Variants in ANKFN1 observed in about 807,000 individuals in gnomAD.
ANKFN1 encodes the protein ankyrin repeat and fibronectin type III domain containing 1.
Under a neutral mutation model 108.7 loss-of-function variants are expected in ANKFN1, and 74 were observed. That is an observed-to-expected ratio of 0.68 (90% confidence interval 0.56 to 0.83). The LOEUF (loss-of-function observed/expected upper bound fraction) is 0.83, where lower values mean the gene tolerates loss of function less well. Ranked by LOEUF, ANKFN1 falls within the 40% of genes least tolerant of loss-of-function variation. ANKFN1 has a pLI of 0.00. For missense variants in ANKFN1, 1,505 were observed against 1,382.3 expected, an observed-to-expected ratio of 1.09 and a Z score of -1.41; for synonymous variants, 547 against 516.2, an observed-to-expected ratio of 1.06 and a Z score of -0.81.
Position 56,406,088 on chromosome 17 carries a change from A to G in ANKFN1, c.910+31374A>G, listed in dbSNP as rs539799882. Among the ~76,000 whole-genome samples, 12 of 152,304 alleles carry G rather than the reference A, an allele frequency of 7.9e-5. No homozygotes were observed. In the South Asian group the frequency reaches 2.3e-3, roughly 29 times the overall value. ...TACAGAGGAAACAGACTGAGGCAAG[A>G]GAGGAAAAGGCAATGGGAAAAAATA... On this transcript the variant is annotated intron_variant, in intron 8 of 20. Transcript: ENST00000682825.
chr17:56,049,596 G>A (rs1029310904), intron 4 of ANKFN1, among the ~76,000 whole-genome samples: 9 of 151,042 alleles, frequency 6.0e-5, no homozygotes, highest in South Asian at 2.1e-4. Context: ...CTGTGTCCAT[G>A]TGTTCTCATA....
intron 4 of ANKFN1, among the ~76,000 whole-genome samples, chr17:56,065,766 A>T (rs746040241): frequency 3.9e-5 from 6 of 152,194 alleles, no homozygotes; most frequent in Admixed American, 6.5e-5. Flanking sequence ...ATAAGAATAG[A>T]AACATCACAG....
intron 20 of ANKFN1, among the ~76,000 whole-genome samples, chr17:56,504,403 G>A (rs540196001): frequency 4.3e-4 from 65 of 152,118 alleles, no homozygotes; most frequent in African/African-American, 1.5e-3. Flanking sequence ...TGTTCTGGGA[G>A]CTACAGGAAA....
At chr17:56,414,949 G>A (rs1427820254) in intron 8 of ANKFN1, among the ~76,000 whole-genome samples, 2 of 152,090 alleles carry the variant, frequency 1.3e-5, no homozygotes, top group Non-Finnish European at 2.9e-5. Flanking sequence ...GCACTTGGGA[G>A]GCAGAGGTTG....
intron 3 of ANKFN1, among the ~76,000 whole-genome samples, chr17:56,320,156 G>C (rs2045322008): frequency 6.6e-6 from 1 of 152,134 alleles, no homozygotes; most frequent in South Asian, 2.1e-4. Flanking sequence ...GAAGGTATTT[G>C]ATAAATGGCA....
At chr17:56,255,947 G>A (rs2043346809) in intron 3 of ANKFN1, among the ~76,000 whole-genome samples, 1 of 152,202 alleles carries the variant, frequency 6.6e-6, no homozygotes, top group South Asian at 2.1e-4. Flanking sequence ...GCCAAGGCAA[G>A]AGGATTGCTT....
intron 4 of ANKFN1, among the ~76,000 whole-genome samples, chr17:56,107,966 A>G (rs886742302): frequency 1.3e-5 from 2 of 152,092 alleles, no homozygotes; most frequent in Non-Finnish European, 2.9e-5. Context: ...GGTTCAAGTG[A>G]TTCCCCTGTC....
chr17:56,070,200 C>T (rs1347787338), intron 4 of ANKFN1, among the ~76,000 whole-genome samples: 1 of 152,230 alleles, frequency 6.6e-6, no homozygotes, highest in African/African-American at 2.4e-5. Flanking sequence ...CTCACCCCTA[C>T]TCAACATGGA....
intron 3 of ANKFN1, among the ~76,000 whole-genome samples, chr17:56,248,276 C>T (rs1346857807): frequency 6.6e-6 from 1 of 152,236 alleles, no homozygotes; most frequent in African/African-American, 2.4e-5. Context: ...GTATGAGAAG[C>T]CTTGGTGCAT....
chr17:56,289,603 C>A (rs1425111297), intron 3 of ANKFN1, among the ~76,000 whole-genome samples: 5 of 152,170 alleles, frequency 3.3e-5, no homozygotes, highest in Non-Finnish European at 5.9e-5. Context: ...GTCTTGGCAT[C>A]CAAAAGCAGG....
chr17:56,161,321 T>C (rs1408719188), intron 1 of ANKFN1, among the ~76,000 whole-genome samples: 3 of 152,248 alleles, frequency 2.0e-5, no homozygotes, highest in Non-Finnish European at 4.4e-5. Flanking sequence ...AACTTGTTCT[T>C]GTTTACTAAT....
At chr17:56,510,452 C>A in intron 20 of ANKFN1, 21 bp from the exon 21 acceptor site, 6 of 1,530,832 alleles carry the variant, frequency 3.9e-6, no homozygotes, top group African/African-American at 1.4e-5. Context: ...TTTTTCCTAA[C>A]CTCAGTTTCT....
intron 8 of ANKFN1, among the ~76,000 whole-genome samples, chr17:56,426,862 G>A (rs1211826310): frequency 1.3e-5 from 2 of 152,200 alleles, no homozygotes; most frequent in Non-Finnish European, 2.9e-5. Context: ...CATCACAAAA[G>A]CAGAAGCTGA....
At chr17:56,391,368 ATGTG>A (rs199687714) in intron 8 of ANKFN1, among the ~76,000 whole-genome samples, 9,289 of 128,342 alleles carry the variant, frequency 0.072, 394 homozygotes, top group African/African-American at 0.11. Context: ...ACATATATAT[ATGTG>A]TGTGTGTGTG....
chr17:56,112,515 A>T (rs1906025577), intron 4 of ANKFN1, among the ~76,000 whole-genome samples: 1 of 152,040 alleles, frequency 6.6e-6, no homozygotes, highest in Non-Finnish European at 1.5e-5. Context: ...TTTCTAACCC[A>T]TGTATCCAAG....
At chr17:56,361,753 A>T (rs572563326) in intron 6 of ANKFN1, among the ~76,000 whole-genome samples, 1 of 152,130 alleles carries the variant, frequency 6.6e-6, no homozygotes, top group Admixed American at 6.5e-5. Context: ...GGCTTGATTG[A>T]GCTAGAGGAC....
chr17:56,097,615 A>G (rs978223197), intron 4 of ANKFN1, among the ~76,000 whole-genome samples: 10 of 152,240 alleles, frequency 6.6e-5, no homozygotes, highest in African/African-American at 2.2e-4. Context: ...CAGTCTAAGC[A>G]GAGTCCTTAG....
chr17:56,312,577 C>A (rs57635266), intron 3 of ANKFN1, among the ~76,000 whole-genome samples: 31,951 of 152,064 alleles, frequency 0.21, 4,006 homozygotes, highest in East Asian at 0.53. Context: ...CCACAGACCT[C>A]CTTTCCTTTG....
intron 8 of ANKFN1, among the ~76,000 whole-genome samples, chr17:56,399,001 C>T (rs2047671354): frequency 6.6e-6 from 1 of 152,090 alleles, no homozygotes; most frequent in Non-Finnish European, 1.5e-5. Context: ...AAGGAAAATT[C>T]ATAAGTAGCT....
Sources: gnomAD v4.1 joint callset for allele counts (sites outside exome capture counted in the v4.1 genomes callset) on GRCh38, gnomAD v4.1.1 for gene constraint, MANE v1.5 for transcripts, NCBI Gene and HGNC (gene_info 2026-07-23, HGNC 2026-07-21) for gene names.